Variants in RANBP3L observed in about 807,000 individuals in gnomAD.
RANBP3L encodes RAN binding protein 3 like.
In RANBP3L, 56 loss-of-function variants were observed where a neutral mutation model predicts 67.2. The observed-to-expected ratio is 0.83, with a 90% CI of 0.67 to 1.04. RANBP3L has a LOEUF of 1.04. Among genes scored for constraint, RANBP3L ranks in the 50% least tolerant of loss-of-function variants. The pLI is 0.00. For missense variants in RANBP3L, 496 were observed against 535.5 expected (o/e 0.93, Z 0.73); for synonymous variants, 164 against 181.4 (o/e 0.90, Z 0.77).
chr5:36,266,324 G>A (rs976483001), intron 4 of RANBP3L, among the ~76,000 whole-genome samples: 3 of 152,156 alleles, frequency 2.0e-5, no homozygotes, highest in Non-Finnish European at 4.4e-5. Flanking sequence ...CTGTGGTGGT[G>A]GCTCCGAGTA....
intron 1 of RANBP3L, among the ~76,000 whole-genome samples, chr5:36,295,954 C>A (rs1353544409): frequency 6.6e-6 from 1 of 152,016 alleles, no homozygotes; most frequent in Non-Finnish European, 1.5e-5. Flanking sequence ...AGTCATATGG[C>A]CAATTATTTA....
chr5:36,261,959 A>G lies in RANBP3L; in HGVS notation c.564T>C (p.Phe188=), dbSNP rs1400407449. The change falls in exon 7 of 14, where the codon TTT becomes TTC. Residue 188 remains phenylalanine (F), a synonymous_variant. Coordinates refer to ENST00000296604, the MANE Select transcript of RANBP3L (RefSeq NM_145000.5). The part of the protein sequence containing the change: ...ISVQLSTNQD[F]LGATSVGCQP... ...CTTACCCTACTGATGTTGCACCTAA[A>G]AAGTCCTGGTTAGTAGACAGCTGGA... 1 of 1,583,236 alleles carries G rather than the reference A, an allele frequency of 6.3e-7. No individual in the cohort carries two copies.
chr5:36,297,695 T>C (rs2112173567), intron 1 of RANBP3L, among the ~76,000 whole-genome samples: 1 of 152,280 alleles, frequency 6.6e-6, no homozygotes, highest in East Asian at 1.9e-4. Flanking sequence ...ATAAATGGAT[T>C]AAAAATATCA....
At chr5:36,251,837 G>T (rs1291380156) in intron 12 of RANBP3L, among the ~76,000 whole-genome samples, 2 of 152,020 alleles carry the variant, frequency 1.3e-5, no homozygotes, top group African/African-American at 4.8e-5. Context: ...TAGGATTGCA[G>T]AGAATAAAGA....
At chr5:36,270,057 T>C in intron 2 of RANBP3L, 67 bp from the exon 3 acceptor site, 1 of 1,428,212 alleles carries the variant, frequency 7.0e-7, no homozygotes, top group Non-Finnish European at 9.9e-7. Flanking sequence ...GTGCAAAAGT[T>C]ATTGCAGTTT....
intron 5 of RANBP3L, 48 bp from the exon 6 acceptor site, chr5:36,265,146 C>A: frequency 8.8e-7 from 1 of 1,141,956 alleles, no homozygotes; most frequent in Non-Finnish European, 1.2e-6. Flanking sequence ...CTGAAATATT[C>A]CTTTACTCCC....
chr5:36,255,616 A>G, intron 10 of RANBP3L, 26 bp from the exon 11 acceptor site: 1 of 1,557,708 alleles, frequency 6.4e-7, no homozygotes, highest in Non-Finnish European at 8.8e-7. Flanking sequence ...TTAAAATGTC[A>G]AATATATAGA....
In RANBP3L at chr5:36,301,418, G is replaced by T; in HGVS notation, c.-2C>A. ...GCCTTTTCTTGGTATGGTAGTCATG[G>T]TCCTAGCAGTATGGCTGTGACTCAA... On this transcript the variant is annotated 5_prime_UTR_variant, in exon 1 of 14. Transcript: ENST00000296604. 6.2e-7 allele frequency: 1 copy of T among 1,612,166 alleles called. No homozygotes were observed. Among genetic ancestry groups the T allele is most frequent in the Non-Finnish European group, 8.5e-7 (1 of 1,178,946 alleles).
Position 36,271,346 on chromosome 5 carries a change from G to A in RANBP3L, c.92-35C>T, listed in dbSNP as rs766773334. On this transcript the variant is annotated intron_variant, in intron 1 of 13. Coordinates refer to ENST00000296604, the MANE Select transcript of RANBP3L (RefSeq NM_145000.5). ...AAAAGAAAACAGGCAAGAAATCAAAGCATACTCTGACATTTCTTACATCAT... is the reference window on the plus strand; with the variant it reads ...AAAAGAAAACAGGCAAGAAATCAAAACATACTCTGACATTTCTTACATCAT... 4 of 1,318,534 alleles carry A rather than the reference G, an allele frequency of 3.0e-6. No homozygotes were observed. In the East Asian group the frequency reaches 9.2e-5, roughly 30 times the overall value. The allele number at this position is 1,318,534 out of a possible 1,614,324, so 81.7% of individuals were successfully genotyped here. A position where few individuals can be genotyped will look rare whatever the true frequency, so the allele number is the denominator to read the frequency against.
intron 1 of RANBP3L, among the ~76,000 whole-genome samples, chr5:36,276,392 C>A (rs927794274): frequency 6.6e-6 from 1 of 152,166 alleles, no homozygotes; most frequent in Non-Finnish European, 1.5e-5. Flanking sequence ...AGAACATTCA[C>A]ATAAAATTAC....
At chr5:36,295,089 G>T (rs890709569) in intron 1 of RANBP3L, among the ~76,000 whole-genome samples, 1 of 151,818 alleles carries the variant, frequency 6.6e-6, no homozygotes, top group Non-Finnish European at 1.5e-5. Flanking sequence ...ATGAGCATAG[G>T]TGCACAAGTA....
rs1201285468 is a variant in RANBP3L, at chr5:36,257,638, G to A, written c.670-82C>T. On this transcript the variant is annotated intron_variant, in intron 8 of 13. Coordinates refer to ENST00000296604, the MANE Select transcript of RANBP3L (RefSeq NM_145000.5). ...ACTATGTTTGCAGTAAGACACTTCC[G>A]TTTTTCTGTTTCAACACAGCAAGCA... is the stretch of plus-strand genomic sequence containing the variant. The A allele has an allele frequency of 4.0e-5, 23 of 568,486 alleles. No homozygotes were observed. The East Asian group carries it at 4.7e-4, about 12-fold the overall frequency. The allele number at this position is 568,486 out of a possible 1,614,324, so 35.2% of individuals were successfully genotyped here.
At chr5:36,274,931 T>A (rs759890294) in intron 1 of RANBP3L, among the ~76,000 whole-genome samples, 1 of 152,068 alleles carries the variant, frequency 6.6e-6, no homozygotes, top group East Asian at 1.9e-4. Flanking sequence ...TAAAATACAG[T>A]CTTCTGTGGC....
chr5:36,256,796 G>T, intron 10 of RANBP3L, 145 bp downstream of exon 10: 1 of 669,152 alleles, frequency 1.5e-6, no homozygotes. Flanking sequence ...TTCAATTTTT[G>T]AGAGCATCCA....
intron 10 of RANBP3L, among the ~76,000 whole-genome samples, chr5:36,256,018 T>G (rs561974069): frequency 3.3e-5 from 5 of 152,128 alleles, no homozygotes; most frequent in Non-Finnish European, 7.4e-5. Flanking sequence ...CATCAATTTT[T>G]ATATTAATTA....
chr5:36,274,803 A>G (rs1023709920), intron 1 of RANBP3L, among the ~76,000 whole-genome samples: 3 of 152,098 alleles, frequency 2.0e-5, no homozygotes, highest in Non-Finnish European at 2.9e-5. Flanking sequence ...GGAAATAAGA[A>G]TCTAATTAAG....
At chr5:36,262,719 C>T (rs1156273024) in intron 6 of RANBP3L, among the ~76,000 whole-genome samples, 1 of 152,058 alleles carries the variant, frequency 6.6e-6, no homozygotes, top group Non-Finnish European at 1.5e-5. Context: ...TATGTTTCCA[C>T]TTAAATTTTT....
intron 1 of RANBP3L, among the ~76,000 whole-genome samples, chr5:36,274,771 G>A (rs1398553826): frequency 6.6e-6 from 1 of 152,018 alleles, no homozygotes; most frequent in Non-Finnish European, 1.5e-5. Flanking sequence ...AAAGGGTATT[G>A]GGGGGAAGGG....
At chr5:36,296,128 G>A (rs538773986) in intron 1 of RANBP3L, among the ~76,000 whole-genome samples, 4 of 152,210 alleles carry the variant, frequency 2.6e-5, no homozygotes, top group Admixed American at 6.5e-5. Flanking sequence ...TCATCTGGCT[G>A]ACCATTTGTA....
Sources: allele counts gnomAD v4.1 joint callset (sites outside exome capture counted in the v4.1 genomes callset), GRCh38; gene constraint gnomAD v4.1.1; transcripts MANE v1.5; gene names NCBI Gene and HGNC (gene_info 2026-07-23, HGNC 2026-07-21).